The following PAK5 variants were observed in gnomAD, a reference collection of about 807,000 sequenced individuals.
The protein encoded by PAK5 is p21 (RAC1) activated kinase 5.
PAK5 carries 16 observed loss-of-function variants against 65.9 expected under a neutral mutation model. That is an observed-to-expected ratio of 0.24 (90% confidence interval 0.16 to 0.37). The LOEUF (loss-of-function observed/expected upper bound fraction) is 0.37. PAK5 is among the 10% of genes least tolerant of loss of function. The pLI, the probability that PAK5 is intolerant of heterozygous loss-of-function variation, is 1.00. For missense variants in PAK5, 785 were observed against 903.9 expected (o/e 0.87, Z 1.69); for synonymous variants, 371 against 354.9 (o/e 1.05, Z -0.51).
chr20:9,639,966 G>T (rs533722117), intron 3 of PAK5, among the ~76,000 whole-genome samples: 3 of 152,202 alleles, frequency 2.0e-5, no homozygotes, highest in Admixed American at 2.0e-4. Flanking sequence ...GTGAAAAACC[G>T]TGGTGAAGTA....
At chr20:9,687,914 T>TG (rs57866749) in intron 2 of PAK5, among the ~76,000 whole-genome samples, 2 of 148,246 alleles carry the variant, frequency 1.3e-5, no homozygotes, top group Non-Finnish European at 3.0e-5. Context: ...TGTGTGTGTG[T>TG]TATGTGTGTG....
intron 2 of PAK5, among the ~76,000 whole-genome samples, chr20:9,689,192 CT>C: frequency 6.6e-6 from 1 of 152,308 alleles, no homozygotes; most frequent in South Asian, 2.1e-4. Context: ...TGTCACTGCT[CT>C]GCAAACTCCC....
chr20:9,654,236 G>A (rs1339668195), intron 2 of PAK5, among the ~76,000 whole-genome samples: 3 of 152,070 alleles, frequency 2.0e-5, no homozygotes, highest in African/African-American at 7.2e-5. Context: ...GCCTCCCAAA[G>A]TGCTGGGATT....
At chr20:9,544,884 A>G (rs561964963) in intron 7 of PAK5, among the ~76,000 whole-genome samples, 1 of 152,344 alleles carries the variant, frequency 6.6e-6, no homozygotes, top group East Asian at 1.9e-4. Flanking sequence ...CTTAATATGA[A>G]TTTTGAACAA....
At chr20:9,747,254 G>T (rs1004818126) in intron 1 of PAK5, among the ~76,000 whole-genome samples, 2 of 152,150 alleles carry the variant, frequency 1.3e-5, no homozygotes, top group African/African-American at 4.8e-5. Flanking sequence ...TCTACCAGAG[G>T]CACAAGGAGG....
chr20:9,697,564 C>A (rs981938856), intron 2 of PAK5, among the ~76,000 whole-genome samples: 2 of 152,068 alleles, frequency 1.3e-5, no homozygotes, highest in African/African-American at 4.8e-5. Context: ...TCCACTTAAT[C>A]CAACACTTGT....
intron 6 of PAK5, among the ~76,000 whole-genome samples, chr20:9,558,423 T>A (rs2045544519): frequency 6.6e-6 from 1 of 152,110 alleles, no homozygotes; most frequent in Non-Finnish European, 1.5e-5. Flanking sequence ...CTCCATGAAC[T>A]CTTAACAGAT....
intron 3 of PAK5, among the ~76,000 whole-genome samples, chr20:9,627,855 G>T (rs1415377106): frequency 6.6e-6 from 1 of 152,120 alleles, no homozygotes; most frequent in African/African-American, 2.4e-5. Flanking sequence ...TCGAACTCCT[G>T]ACCTCAAGTG....
At chr20:9,632,024 T>C (rs193098279) in intron 3 of PAK5, among the ~76,000 whole-genome samples, 2 of 152,298 alleles carry the variant, frequency 1.3e-5, no homozygotes, top group East Asian at 1.9e-4. Context: ...AAATGAGAGA[T>C]AAAATTAAAT....
At chr20:9,733,960 T>C (rs553428384) in intron 1 of PAK5, among the ~76,000 whole-genome samples, 2 of 152,302 alleles carry the variant, frequency 1.3e-5, no homozygotes, top group Non-Finnish European at 2.9e-5. Flanking sequence ...TACACTGGTT[T>C]TAACACATTT....
At chr20:9,786,392 A>T (rs1014195894) in intron 1 of PAK5, among the ~76,000 whole-genome samples, 1 of 152,128 alleles carries the variant, frequency 6.6e-6, no homozygotes, top group Non-Finnish European at 1.5e-5. Flanking sequence ...TGACACACAC[A>T]TGCCATGTTC....
chr20:9,586,831 A>C (rs2046078424), intron 3 of PAK5, among the ~76,000 whole-genome samples: 1 of 152,198 alleles, frequency 6.6e-6, no homozygotes. Context: ...TACTGCTATA[A>C]GCTAAATGCT....
chr20:9,702,503 G>A (rs1190387026), intron 2 of PAK5, among the ~76,000 whole-genome samples: 1 of 152,162 alleles, frequency 6.6e-6, no homozygotes, highest in African/African-American at 2.4e-5. Context: ...CAATCACGAT[G>A]TGTAAAATGT....
chr20:9,559,690 G>A (rs142827824), intron 6 of PAK5, among the ~76,000 whole-genome samples: 2,334 of 152,222 alleles, frequency 0.015, 29 homozygotes, highest in Non-Finnish European at 0.023. Flanking sequence ...TTGAACCTGG[G>A]AGGCAGAGGT....
At chr20:9,601,589 T>C (rs534957625) in intron 3 of PAK5, among the ~76,000 whole-genome samples, 15 of 152,280 alleles carry the variant, frequency 9.9e-5, no homozygotes, top group Admixed American at 9.8e-4. Flanking sequence ...CTTCCCTCCT[T>C]CCCTGTGATG....
chr20:9,640,201 C>A (rs1327800997), intron 3 of PAK5, among the ~76,000 whole-genome samples: 1 of 95,146 alleles, frequency 1.1e-5, no homozygotes, highest in Admixed American at 1.4e-4. Context: ...TGCTATCCCT[C>A]CCCCCTCCCC....
intron 3 of PAK5, among the ~76,000 whole-genome samples, chr20:9,612,147 C>CA (rs901884180): frequency 7.9e-5 from 12 of 152,274 alleles, no homozygotes; most frequent in African/African-American, 2.4e-4. Context: ...AGCAGACCCC[C>CA]AAATCTAATG....
At chr20:9,668,089 T>C (rs2047444100) in intron 2 of PAK5, among the ~76,000 whole-genome samples, 1 of 152,124 alleles carries the variant, frequency 6.6e-6, no homozygotes, top group South Asian at 2.1e-4. Context: ...TCCTTAAGAA[T>C]TGCTTTTTCA....
chr20:9,613,516 G>A (rs1344551804), intron 3 of PAK5, among the ~76,000 whole-genome samples: 1 of 152,194 alleles, frequency 6.6e-6, no homozygotes, highest in African/African-American at 2.4e-5. Context: ...ATCTCCAGGA[G>A]CTTAACCAGG....
Sources: allele counts gnomAD v4.1 joint callset (sites outside exome capture counted in the v4.1 genomes callset), GRCh38; gene constraint gnomAD v4.1.1; transcripts MANE v1.5; gene names NCBI Gene and HGNC (gene_info 2026-07-23, HGNC 2026-07-21).